The following ZCCHC14 variants were observed in gnomAD, a reference collection of about 807,000 sequenced individuals.
The protein encoded by ZCCHC14 is zinc finger CCHC domain-containing protein 14.
ZCCHC14 carries 16 observed loss-of-function variants against 85.0 expected under a neutral mutation model. That is an observed-to-expected ratio of 0.19 (90% confidence interval 0.13 to 0.29). The LOEUF is 0.29. Ranked by LOEUF, ZCCHC14 falls within the 10% of genes least tolerant of loss-of-function variation. The pLI is 1.00. For missense variants in ZCCHC14, 1,303 were observed against 1,443.5 expected, an observed-to-expected ratio of 0.90 and a Z score of 1.58; for synonymous variants, 775 against 630.7, an observed-to-expected ratio of 1.23 and a Z score of -3.43.
intron 2 of ZCCHC14, among the ~76,000 whole-genome samples, chr16:87,454,841 G>C (rs1183352260): frequency 6.6e-6 from 1 of 152,256 alleles, no homozygotes; most frequent in East Asian, 1.9e-4. Context: ...GGACAGGGCA[G>C]AGCTGCACTG....
At chr16:87,447,958 T>C (rs185732274) in intron 2 of ZCCHC14, among the ~76,000 whole-genome samples, 1 of 152,296 alleles carries the variant, frequency 6.6e-6, no homozygotes, top group East Asian at 1.9e-4. Flanking sequence ...ACTTGAATCA[T>C]GACATCCCTG....
intron 12 of ZCCHC14, among the ~76,000 whole-genome samples, chr16:87,410,659 G>A (rs982040931): frequency 6.6e-6 from 1 of 152,210 alleles, no homozygotes; most frequent in Non-Finnish European, 1.5e-5. Context: ...GCAGGTGAGC[G>A]CTGGTGAGTG....
At position 87,460,045 on chromosome 16, in the gene ZCCHC14, C is replaced by A; in HGVS notation, c.657G>T (p.Glu219Asp). ...ALHTSAHSTE[E>D]SLPKRPLGKH... ...TTCCTAAGGGCCTCTTGGGCAGCGA[C>A]TCCTCCGTGGAATGTGCTGATGTGT... The change falls in exon 2 of 13, where the codon GAG becomes GAT. Residue 219 changes from glutamate (E) to aspartate (D), a missense_variant. Transcript: ENST00000671377. The A allele has an allele frequency of 6.2e-7, 1 of 1,614,144 alleles. No homozygotes were observed. The highest frequency in any genetic ancestry group is 1.1e-5 in the South Asian group (1 of 91,084).
At chr16:87,468,665 G>T (rs1049711802) in intron 1 of ZCCHC14, among the ~76,000 whole-genome samples, 2 of 152,114 alleles carry the variant, frequency 1.3e-5, no homozygotes, top group African/African-American at 4.8e-5. Context: ...CCCTAACCTA[G>T]TGGTTCTCAA....
chr16:87,476,942 T>TTTC (rs766152620), intron 1 of ZCCHC14, among the ~76,000 whole-genome samples: 10 of 151,216 alleles, frequency 6.6e-5, no homozygotes, highest in Non-Finnish European at 1.3e-4. Context: ...CTGACCAACA[T>TTTC]GGTGAAACCT....
chr16:87,431,347 C>T (rs2150736803), intron 3 of ZCCHC14, among the ~76,000 whole-genome samples: 1 of 151,624 alleles, frequency 6.6e-6, no homozygotes, highest in East Asian at 1.9e-4. Flanking sequence ...GTGGCGGGCA[C>T]CTGTAGTCCC....
chr16:87,485,539 C>T (rs1366485624), intron 1 of ZCCHC14, among the ~76,000 whole-genome samples: 1 of 147,476 alleles, frequency 6.8e-6, no homozygotes, highest in East Asian at 2.0e-4. Flanking sequence ...CTTGCAGCTA[C>T]ACTTCTTACT....
In ZCCHC14 at chr16:87,413,108, A is replaced by G; in HGVS notation, c.1691T>C (p.Met564Thr). 6.2e-7 allele frequency: 1 copy of G among 1,613,952 alleles called. No individual in the cohort carries two copies. Among genetic ancestry groups the G allele is most frequent in the Non-Finnish European group, 8.5e-7 (1 of 1,179,956 alleles). ...SEYSSSSSSP[M>T]GVQAREESSD... ...GCTCTCTTCCCGGGCCTGTACCCCC[A>G]TGGGGCTGGAGGAGGAGCTGGAGTA... Residue 564 changes from methionine to threonine, a missense_variant, in exon 11 of 13, where the codon ATG becomes ACG. Coordinates refer to ENST00000671377, the MANE Select transcript of ZCCHC14 (RefSeq NM_015144.3).
chr16:87,467,142 G>T, intron 1 of ZCCHC14: 1 of 1,055,886 alleles, frequency 9.5e-7, no homozygotes, highest in South Asian at 1.3e-5. Context: ...CACCAGATCA[G>T]ACCTGTTGAT....
intron 1 of ZCCHC14, among the ~76,000 whole-genome samples, chr16:87,484,795 T>A (rs1912440419): frequency 6.6e-6 from 1 of 152,132 alleles, no homozygotes; most frequent in African/African-American, 2.4e-5. Context: ...AGGTGGGGTT[T>A]TGTTGAAAAC....
At chr16:87,422,911 G>C (rs913261204) in intron 4 of ZCCHC14, among the ~76,000 whole-genome samples, 2 of 152,124 alleles carry the variant, frequency 1.3e-5, no homozygotes, top group South Asian at 2.1e-4. Context: ...TTCCCGGGGG[G>C]GGGTGTGTGT....
At position 87,407,505 on chromosome 16, in the gene ZCCHC14, C is replaced by G. The variant is rs1597393998; in HGVS notation, c.*2775G>C. The G allele has an allele frequency of 1.3e-5, 2 of 152,098 alleles. No individual in the cohort carries two copies. The highest frequency in any genetic ancestry group is 2.9e-5 in the Non-Finnish European group (2 of 68,006). 9.4% of individuals were successfully genotyped at this position (152,098 alleles called of 1,614,324 possible). Reference sequence around the variant, plus strand: ...ATAAGGTAGAAAACTGAGTGTTTTGCTTAAAAAATAAAAAAGGATTAAATA... The same window carrying G: ...ATAAGGTAGAAAACTGAGTGTTTTGGTTAAAAAATAAAAAAGGATTAAATA... On this transcript the variant is annotated 3_prime_UTR_variant, in exon 13 of 13. Coordinates refer to ENST00000671377, the MANE Select transcript of ZCCHC14 (RefSeq NM_015144.3).
intron 1 of ZCCHC14, among the ~76,000 whole-genome samples, chr16:87,476,180 G>A (rs1259970412): frequency 1.3e-5 from 2 of 152,146 alleles, no homozygotes; most frequent in Admixed American, 6.5e-5. Context: ...AAAACTAAGA[G>A]CCTTTCTTGC....
At chr16:87,431,890 T>A (rs553743826) in intron 3 of ZCCHC14, among the ~76,000 whole-genome samples, 1 of 152,154 alleles carries the variant, frequency 6.6e-6, no homozygotes, top group Non-Finnish European at 1.5e-5. Flanking sequence ...ACCCAGAAAC[T>A]CCGTGGGCGC....
chr16:87,417,242 C>A (rs537642206), intron 8 of ZCCHC14, among the ~76,000 whole-genome samples: 4 of 152,296 alleles, frequency 2.6e-5, no homozygotes, highest in Non-Finnish European at 4.4e-5. Flanking sequence ...GGTCTTGAAG[C>A]CCCTAGACAA....
intron 1 of ZCCHC14, among the ~76,000 whole-genome samples, chr16:87,480,600 G>A (rs1912223271): frequency 6.6e-6 from 1 of 152,186 alleles, no homozygotes; most frequent in Admixed American, 6.5e-5. Context: ...AAGGGAAAAA[G>A]CACTTGTACT....
rs1306043263 is a variant in ZCCHC14 at position 87,492,962 on chromosome 16, C to G, written c.-724G>C. 6.6e-6 allele frequency among the ~76,000 whole-genome samples: 1 copy of G among 150,850 alleles called. No individual in the cohort carries two copies. The highest frequency in any genetic ancestry group is 2.4e-5 in the African/African-American group (1 of 41,086). On this transcript the variant is annotated 5_prime_UTR_variant, in exon 1 of 13. Coordinates refer to ENST00000671377, the MANE Select transcript of ZCCHC14 (RefSeq NM_015144.3). This position sits in a 1 kb window ranked among gnomAD's most constrained non-coding sequence, Gnocchi z 6.7. ...GGCGACGGCGACGGCGGAGGAGGCG[C>G]CGGCCGAGGAGCGGAGGGATCGTCG...
Position 87,433,234 on chromosome 16 carries a change from TAA to T in ZCCHC14, c.695-35_695-34del, listed in dbSNP as rs755319576. The stretch of plus-strand genomic sequence containing the variant: ...AGTAAAACAAAAAACAAAAATGAAA[TAA>T]GAGCTTGAAGTATATACATGATTAT... On this transcript the variant is annotated intron_variant, in intron 2 of 12. Transcript: ENST00000671377. The T allele has an allele frequency of 4.4e-6, 7 of 1,594,728 alleles. No individual in the cohort carries two copies. In the African/African-American group the frequency reaches 9.4e-5, roughly 21 times the overall value.
chr16:87,423,186 G>A (rs967900157), intron 4 of ZCCHC14, among the ~76,000 whole-genome samples: 1 of 152,226 alleles, frequency 6.6e-6, no homozygotes, highest in Non-Finnish European at 1.5e-5. Context: ...AGTTACAACT[G>A]TGTGTACACA....
Sources: allele counts gnomAD v4.1 joint callset (sites outside exome capture counted in the v4.1 genomes callset), GRCh38; gene constraint gnomAD v4.1.1; non-coding constraint Gnocchi (gnomAD v3.1); transcripts MANE v1.5; gene names NCBI Gene and HGNC (gene_info 2026-07-23, HGNC 2026-07-21).